ARHGAP8: variants seen among roughly 807,000 people sequenced by gnomAD.
The protein encoded by ARHGAP8 is rho GTPase-activating protein 8.
In ARHGAP8, 62 loss-of-function variants were observed where a neutral mutation model predicts 46.1. The observed-to-expected ratio is 1.34, with a 90% confidence interval of 1.10 to 1.66. The LOEUF (loss-of-function observed/expected upper bound fraction) is 1.66. Ranked by LOEUF, ARHGAP8 falls within the 40% of genes most tolerant of loss-of-function variation. The probability of loss-of-function intolerance (pLI) is 0.00; values close to 1 mark genes in which losing one functional copy is unlikely to be tolerated. For synonymous variants in ARHGAP8, 375 were observed against 243.1 expected (o/e 1.54, Z -5.05); for missense variants, 923 against 568.4 (o/e 1.62, Z -6.34).
Position 44,813,319 on chromosome 22 carries a change from A to G in ARHGAP8, c.300-1353A>G, listed in dbSNP as rs200407402. Among the ~76,000 whole-genome samples, 395 of 151,384 alleles carry G rather than the reference A, an allele frequency of 2.6e-3. 4 individuals carry two copies. In the East Asian group the frequency reaches 0.034, roughly 13 times the overall value. ...CTGGATACAGTACATACACCTGCAT[A>G]CACATACATACAGACACCTACATAT... On this transcript the variant is annotated intron_variant, in intron 4 of 11. Coordinates refer to ENST00000356099, the MANE Select transcript of ARHGAP8 (RefSeq NM_181335.3).
intron 4 of ARHGAP8, among the ~76,000 whole-genome samples, chr22:44,813,617 GCTTA>G (rs1348354769): frequency 1.3e-5 from 2 of 149,768 alleles, no homozygotes; most frequent in African/African-American, 4.9e-5. Context: ...ACACACTTAC[GCTTA>G]CTTATATCTA....
chr22:44,857,496 C>A (rs9626583), intron 10 of ARHGAP8, among the ~76,000 whole-genome samples: 1 of 152,078 alleles, frequency 6.6e-6, no homozygotes, highest in African/African-American at 2.4e-5. Context: ...ACATGGGTAC[C>A]TTCGTAAGGA....
At chr22:44,779,559 T>G (rs370213825) in intron 1 of ARHGAP8, among the ~76,000 whole-genome samples, 3 of 107,708 alleles carry the variant, frequency 2.8e-5, no homozygotes, top group African/African-American at 1.1e-4. Flanking sequence ...GTTTCCAGTT[T>G]GAGGATTTTT....
At chr22:44,809,422 T>C in intron 4 of ARHGAP8, 1 of 353,512 alleles carries the variant, frequency 2.8e-6, no homozygotes, top group South Asian at 2.2e-5. Flanking sequence ...AACAACTGCA[T>C]GACCGTTTCT....
chr22:44,787,399 G>A (rs1032289719), intron 2 of ARHGAP8, among the ~76,000 whole-genome samples: 1 of 152,124 alleles, frequency 6.6e-6, no homozygotes, highest in African/African-American at 2.4e-5. Context: ...AGGCTGGAGT[G>A]CAGTAGTACG....
At chr22:44,766,558 G>A (rs1925588395) in intron 1 of ARHGAP8, among the ~76,000 whole-genome samples, 1 of 152,114 alleles carries the variant, frequency 6.6e-6, no homozygotes. Flanking sequence ...ATGTGGGCAT[G>A]CGTGTCTGGG....
chr22:44,805,569 T>C (rs754305777), intron 3 of ARHGAP8, among the ~76,000 whole-genome samples: 1 of 151,088 alleles, frequency 6.6e-6, no homozygotes, highest in Non-Finnish European at 1.5e-5. Context: ...TAAGCATGGC[T>C]TCCATGAACA....
chr22:44,775,579 C>G (rs1926363666), intron 1 of ARHGAP8, among the ~76,000 whole-genome samples: 1 of 152,160 alleles, frequency 6.6e-6, no homozygotes, highest in South Asian at 2.1e-4. Context: ...TCCCAAGTAG[C>G]TGGGATTACA....
intron 10 of ARHGAP8, among the ~76,000 whole-genome samples, chr22:44,853,756 G>A (rs1219952423): frequency 1.3e-5 from 2 of 152,084 alleles, no homozygotes; most frequent in South Asian, 4.1e-4. Flanking sequence ...GGCCAGCTGC[G>A]GTGGTTCACG....
At position 44,830,019 on chromosome 22, in the gene ARHGAP8, T is replaced by TCA. The variant is rs1930826013; in HGVS notation, c.596+4427_596+4428insAC. ...CTCTGGCATTTTCTTTTTTTTCCTC[T>TCA]CTCTCTTTTTTTTTTTTTCCCTGAG... On this transcript the variant is annotated intron_variant, in intron 7 of 11. Coordinates refer to ENST00000356099, the MANE Select transcript of ARHGAP8 (RefSeq NM_181335.3). Among the ~76,000 whole-genome samples, 8 of 116,048 alleles carry TCA rather than the reference T, an allele frequency of 6.9e-5. No homozygotes were observed. The South Asian group carries it at 2.7e-3, about 39-fold the overall frequency. 76.1% of individuals were successfully genotyped at this position (116,048 alleles called of 152,430 possible). A position where few individuals can be genotyped will look rare whatever the true frequency, so the allele number is the denominator to read the frequency against.
intron 5 of ARHGAP8, 136 bp from the exon 6 acceptor site, chr22:44,822,235 C>T (rs1439252954): frequency 1.1e-5 from 8 of 702,134 alleles, no homozygotes; most frequent in East Asian, 6.2e-5. Flanking sequence ...GGTTTTAAGT[C>T]GTGTCAGCGT....
chr22:44,756,545 C>T (rs1924687953), intron 1 of ARHGAP8, among the ~76,000 whole-genome samples: 1 of 151,690 alleles, frequency 6.6e-6, no homozygotes, highest in African/African-American at 2.4e-5. Flanking sequence ...TATAGCCACC[C>T]TGCAGCCAAC....
At chr22:44,822,603 G>C (rs1051520189) in intron 6 of ARHGAP8, 134 bp downstream of exon 6, 1 of 772,924 alleles carries the variant, frequency 1.3e-6, no homozygotes, top group African/African-American at 1.8e-5. Flanking sequence ...GAAATCTGCG[G>C]CATCGACAAA....
chr22:44,814,893 C>A (rs950542718), intron 5 of ARHGAP8, 135 bp downstream of exon 5: 1 of 1,024,106 alleles, frequency 9.8e-7, no homozygotes, highest in East Asian at 2.6e-5. Flanking sequence ...GCTCCCTACC[C>A]GCCCTGGGGT....
At chr22:44,815,019 CTG>C (rs1929636292) in intron 5 of ARHGAP8, among the ~76,000 whole-genome samples, 1 of 152,192 alleles carries the variant, frequency 6.6e-6, no homozygotes, top group South Asian at 2.1e-4. Flanking sequence ...AGCCCCCACA[CTG>C]TGTGACCACC....
chr22:44,829,689 A>C (rs2147130891), intron 7 of ARHGAP8, among the ~76,000 whole-genome samples: 1 of 152,248 alleles, frequency 6.6e-6, no homozygotes, highest in South Asian at 2.1e-4. Context: ...AAACATTTTA[A>C]AGGAAGCACT....
intron 2 of ARHGAP8, among the ~76,000 whole-genome samples, chr22:44,794,490 C>T (rs1289594248): frequency 2.6e-5 from 4 of 152,084 alleles, no homozygotes; most frequent in African/African-American, 9.7e-5. Context: ...GCAGGCAGAT[C>T]ATGAAGTCAG....
Position 44,830,742 on chromosome 22 carries a change from T to C in ARHGAP8, c.596+5149T>C, listed in dbSNP as rs370158870. Among the ~76,000 whole-genome samples the C allele has an allele frequency of 2.2e-4, 34 of 152,212 alleles. 1 individual carries two copies. The East Asian group carries it at 4.5e-3, about 20-fold the overall frequency. On this transcript the variant is annotated intron_variant, in intron 7 of 11. Transcript: ENST00000356099. ...TTAATAGAGACGAGGTTTCACCATGTTGGCCAGGCTGGTCTCGAACTCTTG... is the reference window on the plus strand; with the variant it reads ...TTAATAGAGACGAGGTTTCACCATGCTGGCCAGGCTGGTCTCGAACTCTTG...
intron 3 of ARHGAP8, among the ~76,000 whole-genome samples, chr22:44,803,977 A>T (rs1928761501): frequency 6.7e-6 from 1 of 148,688 alleles, no homozygotes; most frequent in Non-Finnish European, 1.5e-5. Context: ...AGGCCACCAG[A>T]CCCACCTGCA....
Sources: gnomAD v4.1 joint callset for allele counts (sites outside exome capture counted in the v4.1 genomes callset) on GRCh38, gnomAD v4.1.1 for gene constraint, MANE v1.5 for transcripts, NCBI Gene and HGNC (gene_info 2026-07-23, HGNC 2026-07-21) for gene names.